MRAS: variants seen among roughly 807,000 people sequenced by gnomAD.
MRAS encodes muscle RAS oncogene homolog.
A neutral mutation model predicts 20.9 loss-of-function variants in MRAS; 4 were observed. The ratio of observed to expected loss-of-function variants is 0.19; its 90% CI spans 0.09 to 0.44. The LOEUF is 0.44. MRAS is among the 20% of genes least tolerant of loss of function. The pLI, the probability that MRAS is intolerant of heterozygous loss-of-function variation, is 0.99. For missense variants in MRAS, 154 were observed against 277.5 expected, an observed-to-expected ratio of 0.56 and a Z score of 3.16; for synonymous variants, 98 against 102.9, an observed-to-expected ratio of 0.95 and a Z score of 0.29.
At chr3:138,361,233 G>A (rs1185089720) in intron 1 of MRAS, among the ~76,000 whole-genome samples, 1 of 152,202 alleles carries the variant, frequency 6.6e-6, no homozygotes, top group Admixed American at 6.5e-5. Flanking sequence ...CACCAGACCA[G>A]GAATCAGCAG....
chr3:138,402,101 G>A, intron 5 of MRAS, 69 bp from the exon 6 acceptor site: 1 of 1,453,734 alleles, frequency 6.9e-7, no homozygotes, highest in Non-Finnish European at 9.6e-7. Flanking sequence ...TGGGGCTAGG[G>A]AGGAGAGGGG....
intron 2 of MRAS, among the ~76,000 whole-genome samples, chr3:138,381,946 G>A (rs1012504727): frequency 6.6e-6 from 1 of 152,164 alleles, no homozygotes; most frequent in African/African-American, 2.4e-5. Context: ...CTGAACCAGG[G>A]GCTTTACCAG....
chr3:138,395,428 C>T (rs1299184386), intron 2 of MRAS, among the ~76,000 whole-genome samples: 1 of 152,120 alleles, frequency 6.6e-6, no homozygotes, highest in Non-Finnish European at 1.5e-5. Flanking sequence ...GCCCCACCAT[C>T]TGCCCCCACC....
chr3:138,395,815 A>G (rs2055224443), intron 2 of MRAS, among the ~76,000 whole-genome samples: 1 of 152,244 alleles, frequency 6.6e-6, no homozygotes, highest in South Asian at 2.1e-4. Context: ...ACTTCCTGCC[A>G]CCTAGCAGGC....
chr3:138,399,448 C>T (rs545823853), intron 4 of MRAS, among the ~76,000 whole-genome samples: 1 of 152,314 alleles, frequency 6.6e-6, no homozygotes, highest in East Asian at 1.9e-4. Flanking sequence ...CACATCCAAC[C>T]TCACGCGATG....
intron 2 of MRAS, among the ~76,000 whole-genome samples, chr3:138,392,288 A>C (rs986165168): frequency 5.9e-5 from 9 of 152,234 alleles, no homozygotes; most frequent in African/African-American, 2.2e-4. Flanking sequence ...GCTCATTGGA[A>C]CCTCAAACTC....
At chr3:138,396,905 G>A (rs2055249000) in intron 2 of MRAS, among the ~76,000 whole-genome samples, 1 of 152,152 alleles carries the variant, frequency 6.6e-6, no homozygotes, top group East Asian at 1.9e-4. Context: ...GAGGAGGAAA[G>A]GGGAAGCTCA....
At chr3:138,368,707 C>G (rs1349055988) in intron 1 of MRAS, among the ~76,000 whole-genome samples, 2 of 152,158 alleles carry the variant, frequency 1.3e-5, no homozygotes, top group Non-Finnish European at 2.9e-5. Context: ...TTGTGAATGT[C>G]AGCAGTTTGC....
intron 2 of MRAS, among the ~76,000 whole-genome samples, chr3:138,395,543 C>T (rs774102501): frequency 1.6e-4 from 25 of 152,112 alleles, no homozygotes; most frequent in Non-Finnish European, 2.1e-4. Context: ...AGTGCTCTTC[C>T]GCTAGGCCAC....
intron 2 of MRAS, among the ~76,000 whole-genome samples, chr3:138,395,968 A>G (rs2055227484): frequency 6.6e-6 from 1 of 152,222 alleles, no homozygotes; most frequent in South Asian, 2.1e-4. Flanking sequence ...CCTGGGAGCT[A>G]ACAGTCCTGC....
intron 1 of MRAS, among the ~76,000 whole-genome samples, chr3:138,371,316 C>T (rs2108517716): frequency 6.6e-6 from 1 of 152,316 alleles, no homozygotes; most frequent in African/African-American, 2.4e-5. Flanking sequence ...AGTGTGGCCA[C>T]ATAACCCACA....
intron 2 of MRAS, among the ~76,000 whole-genome samples, chr3:138,386,691 C>T (rs2055022602): frequency 1.3e-5 from 2 of 152,248 alleles, no homozygotes; most frequent in Non-Finnish European, 2.9e-5. Context: ...ACCAGTTGGC[C>T]AGGCTGGTCT....
intron 1 of MRAS, among the ~76,000 whole-genome samples, chr3:138,368,207 G>A (rs966284631): frequency 1.3e-5 from 2 of 152,248 alleles, no homozygotes; most frequent in East Asian, 3.9e-4. Context: ...TTGTCTGGCT[G>A]TTAACAGAGC....
chr3:138,358,169 T>A (rs1322497035), intron 1 of MRAS, among the ~76,000 whole-genome samples: 1 of 152,056 alleles, frequency 6.6e-6, no homozygotes, highest in African/African-American at 2.4e-5. Context: ...ACCCCATCTC[T>A]ACTAAAAAAA....
At chr3:138,365,370 A>G (rs58458368) in intron 1 of MRAS, among the ~76,000 whole-genome samples, 6,772 of 152,266 alleles carry the variant, frequency 0.044, 473 homozygotes, top group African/African-American at 0.15. Flanking sequence ...CCGAATACTG[A>G]TGGGAAAGAC....
chr3:138,400,965 C>T, intron 5 of MRAS, among the ~76,000 whole-genome samples: 1 of 152,194 alleles, frequency 6.6e-6, no homozygotes, highest in East Asian at 1.9e-4. Context: ...AACTAGGTCT[C>T]TCTCCTCTTC....
chr3:138,352,090 C>T (rs897079318), intron 1 of MRAS, among the ~76,000 whole-genome samples: 7 of 152,320 alleles, frequency 4.6e-5, no homozygotes, highest in African/African-American at 1.7e-4. Flanking sequence ...CATTGCCCAG[C>T]CTGTGAGTTG....
intron 2 of MRAS, among the ~76,000 whole-genome samples, chr3:138,393,076 T>A (rs528536286): frequency 1.3e-5 from 2 of 152,344 alleles, no homozygotes; most frequent in African/African-American, 4.8e-5. Context: ...CTAGATGTAA[T>A]CAGGATCATT....
chr3:138,354,036 A>T (rs1000101212), intron 1 of MRAS, among the ~76,000 whole-genome samples: 1 of 152,142 alleles, frequency 6.6e-6, no homozygotes, highest in Non-Finnish European at 1.5e-5. Context: ...GTGTGGCTCT[A>T]CATAATCAGT....
Sources: gnomAD v4.1 joint callset for allele counts (sites outside exome capture counted in the v4.1 genomes callset) on GRCh38, gnomAD v4.1.1 for gene constraint, MANE v1.5 for transcripts, NCBI Gene and HGNC (gene_info 2026-07-23, HGNC 2026-07-21) for gene names.